Variants in SMARCA2 observed in about 807,000 individuals in gnomAD.
SMARCA2 encodes the protein SWI/SNF related BAF chromatin remodeling complex subunit ATPase 2.
A neutral mutation model predicts 199.8 loss-of-function variants in SMARCA2; 61 were observed. That is an observed-to-expected ratio of 0.31 (90% CI 0.25 to 0.38). The LOEUF is 0.38. Among genes scored for constraint, SMARCA2 ranks in the 10% least tolerant of loss-of-function variants. The pLI is 1.00. For missense variants in SMARCA2, 1,344 were observed against 2,012.2 expected (o/e 0.67, Z 6.35); for synonymous variants, 935 against 732.0 (o/e 1.28, Z -4.48).
At chr9:2,087,712 G>C (rs187500779) in intron 18 of SMARCA2, among the ~76,000 whole-genome samples, 79 of 152,196 alleles carry the variant, frequency 5.2e-4, no homozygotes, top group African/African-American at 1.9e-3. Context: ...AAAGAAATGG[G>C]CACGTGTCAT....
intron 26 of SMARCA2, among the ~76,000 whole-genome samples, chr9:2,122,645 C>T (rs1460990376): frequency 6.6e-6 from 1 of 152,114 alleles, no homozygotes; most frequent in Non-Finnish European, 1.5e-5. Context: ...AAAATAGGTT[C>T]TAGAGGTCAT....
At chr9:2,127,479 T>C (rs1823747707) in intron 27 of SMARCA2, among the ~76,000 whole-genome samples, 1 of 152,192 alleles carries the variant, frequency 6.6e-6, no homozygotes, top group Non-Finnish European at 1.5e-5. Flanking sequence ...ACCTGATTGG[T>C]GAGGACAGCT....
chr9:2,041,279 A>G (rs2130257726), intron 4 of SMARCA2: 1 of 398,516 alleles, frequency 2.5e-6, no homozygotes, highest in South Asian at 1.3e-4. Context: ...AGCTGCTGTA[A>G]TGAAAGGTCA....
At chr9:2,054,520 C>T in intron 5 of SMARCA2, 77 bp from the exon 6 acceptor site, 1 of 1,536,024 alleles carries the variant, frequency 6.5e-7, no homozygotes, top group South Asian at 1.2e-5. Context: ...AACCTAATGT[C>T]ATTGTTTATC....
At chr9:2,091,131 G>C (rs984286914) in intron 19 of SMARCA2, among the ~76,000 whole-genome samples, 1 of 151,928 alleles carries the variant, frequency 6.6e-6, no homozygotes, top group African/African-American at 2.4e-5. Flanking sequence ...TGCTTCTTTT[G>C]GTGTATAGTT....
At chr9:2,116,530 A>G (rs1823224984) in intron 25 of SMARCA2, among the ~76,000 whole-genome samples, 1 of 152,218 alleles carries the variant, frequency 6.6e-6, no homozygotes, top group East Asian at 1.9e-4. Flanking sequence ...ACATTTAGCT[A>G]TACTTGCTCT....
At chr9:2,051,549 C>T (rs949992583) in intron 5 of SMARCA2, among the ~76,000 whole-genome samples, 5 of 152,182 alleles carry the variant, frequency 3.3e-5, no homozygotes, top group Non-Finnish European at 5.9e-5. Context: ...AGTTATCTGA[C>T]GATTACTTAT....
intron 20 of SMARCA2, 47 bp downstream of exon 20, chr9:2,096,811 C>T (rs370556654): frequency 9.0e-7 from 1 of 1,107,324 alleles, no homozygotes; most frequent in Middle Eastern, 2.0e-4. Flanking sequence ...GGTATGTCTT[C>T]TCATGGCTGT....
chr9:2,186,357 C>T, intron 32 of SMARCA2, 129 bp downstream of exon 32: 1 of 955,856 alleles, frequency 1.0e-6, no homozygotes, highest in Non-Finnish European at 1.5e-6. Context: ...CCACTTTGTC[C>T]TTGCTGGGCA....
At chr9:2,079,588 C>T (rs186323613) in intron 14 of SMARCA2, among the ~76,000 whole-genome samples, 12 of 150,810 alleles carry the variant, frequency 8.0e-5, no homozygotes, top group Admixed American at 3.9e-4. Context: ...ATTTTGACCT[C>T]GTGGATCTCC....
chr9:2,150,999 T>G (rs909588324), intron 27 of SMARCA2, among the ~76,000 whole-genome samples: 3 of 151,626 alleles, frequency 2.0e-5, no homozygotes, highest in Non-Finnish European at 4.4e-5. Flanking sequence ...TCTTGGGGAT[T>G]AGGACCTCAA....
chr9:2,148,798 G>A (rs1296327734), intron 27 of SMARCA2, among the ~76,000 whole-genome samples: 2 of 151,330 alleles, frequency 1.3e-5, no homozygotes, highest in African/African-American at 2.4e-5. Context: ...TGTGAGCCAC[G>A]GTGCCCAGCT....
rs900539194 is a variant in SMARCA2 at position 2,034,237 on chromosome 9, C to T, written c.355+1156C>T. Among the ~76,000 whole-genome samples, 7 of 111,596 alleles carry T rather than the reference C, an allele frequency of 6.3e-5. No individual in the cohort carries two copies. In the South Asian group the frequency reaches 8.5e-4, roughly 14 times the overall value. The allele number at this position is 111,596 out of a possible 152,430, so 73.2% of individuals were successfully genotyped here. A position where few individuals can be genotyped will look rare whatever the true frequency, so the allele number is the denominator to read the frequency against. Reference sequence around the variant, plus strand: ...CTAGCCTGGCGACAGAGCAAGACTGCGTCTCAAAAAAAAAAAAAAAAAAAA... The same window carrying T: ...CTAGCCTGGCGACAGAGCAAGACTGTGTCTCAAAAAAAAAAAAAAAAAAAA... On this transcript the variant is annotated intron_variant, in intron 3 of 33. Transcript: ENST00000349721.
chr9:2,153,787 T>C (rs897564686), intron 27 of SMARCA2, among the ~76,000 whole-genome samples: 1 of 152,126 alleles, frequency 6.6e-6, no homozygotes, highest in African/African-American at 2.4e-5. Context: ...GTTACTTTTA[T>C]GGTTCCACAC....
At position 2,193,325 on chromosome 9, in the gene SMARCA2, A is replaced by C. The variant is rs1256000317; in HGVS notation, c.*586A>C. The stretch of plus-strand genomic sequence containing the variant: ...ACAAAAGCTTTTTGAATTGTATAAG[A>C]TTTATGTCTACTGTAAACATTGCTT... On this transcript the variant is annotated 3_prime_UTR_variant, in exon 34 of 34. Coordinates refer to ENST00000349721, the MANE Select transcript of SMARCA2 (RefSeq NM_003070.5). The C allele has an allele frequency of 6.6e-6, 1 of 152,632 alleles. No individual in the cohort carries two copies. The highest frequency in any genetic ancestry group is 6.5e-5 in the Admixed American group (1 of 15,280). 9.5% of individuals were successfully genotyped at this position (152,632 alleles called of 1,614,324 possible). A position where few individuals can be genotyped will look rare whatever the true frequency, so the allele number is the denominator to read the frequency against.
chr9:2,031,755 C>A (rs548468396), intron 2 of SMARCA2, among the ~76,000 whole-genome samples: 1 of 152,192 alleles, frequency 6.6e-6, no homozygotes, highest in Non-Finnish European at 1.5e-5. Flanking sequence ...TAGTTCCCTG[C>A]GTGAGGACAC....
At chr9:2,121,071 C>G (rs1022977122) in intron 26 of SMARCA2, among the ~76,000 whole-genome samples, 2 of 152,164 alleles carry the variant, frequency 1.3e-5, no homozygotes, top group African/African-American at 2.4e-5. Context: ...CTGCTAAAGC[C>G]GCAGATACTC....
intron 27 of SMARCA2, among the ~76,000 whole-genome samples, chr9:2,147,643 C>G (rs767776085): frequency 6.6e-6 from 1 of 152,028 alleles, no homozygotes; most frequent in Non-Finnish European, 1.5e-5. Context: ...GTCAGGAGTT[C>G]GAGACCAGCC....
chr9:2,113,245 G>A (rs929374341), intron 24 of SMARCA2, among the ~76,000 whole-genome samples: 1 of 150,882 alleles, frequency 6.6e-6, no homozygotes, highest in African/African-American at 2.5e-5. Context: ...GATAGAACTC[G>A]TGATTGTGGA....
Sources: gnomAD v4.1 joint callset for allele counts (sites outside exome capture counted in the v4.1 genomes callset) on GRCh38, gnomAD v4.1.1 for gene constraint, MANE v1.5 for transcripts, NCBI Gene and HGNC (gene_info 2026-07-23, HGNC 2026-07-21) for gene names.